ANO1: variants seen among roughly 807,000 people sequenced by gnomAD.
ANO1 encodes the protein anoctamin 1.
A neutral mutation model predicts 124.0 loss-of-function variants in ANO1; 59 were observed. That is an observed-to-expected ratio of 0.48 (90% CI 0.39 to 0.59). The LOEUF is 0.59. Ranked by LOEUF, ANO1 falls within the 20% of genes least tolerant of loss-of-function variation. The pLI, the probability that ANO1 is intolerant of heterozygous loss-of-function variation, is 0.00. For synonymous variants in ANO1, 529 were observed against 532.0 expected (o/e 0.99, Z 0.08); for missense variants, 1,059 against 1,328.0 (o/e 0.80, Z 3.15).
At chr11:70,024,215 T>C (rs1434930904) in intron 1 of ANO1, among the ~76,000 whole-genome samples, 1 of 152,146 alleles carries the variant, frequency 6.6e-6, no homozygotes, top group Non-Finnish European at 1.5e-5. Flanking sequence ...TCTCTGACGG[T>C]CCTGCCTGAG....
chr11:70,167,181 A>T, intron 20 of ANO1, 61 bp from the exon 21 acceptor site: 1 of 1,588,132 alleles, frequency 6.3e-7, no homozygotes. Flanking sequence ...TAGAGGTGCC[A>T]GACCCAAGCC....
At chr11:69,989,766 G>C (rs1007237872) in intron 1 of ANO1, among the ~76,000 whole-genome samples, 1 of 152,114 alleles carries the variant, frequency 6.6e-6, no homozygotes, top group African/African-American at 2.4e-5. Flanking sequence ...GCACGAGGCA[G>C]GTAGGGGAGG....
chr11:70,104,240 C>A (rs2045398628), intron 4 of ANO1, 90 bp downstream of exon 4: 5 of 1,396,356 alleles, frequency 3.6e-6, no homozygotes, highest in Admixed American at 2.6e-5. Context: ...GATTATCTGT[C>A]CCCCAAAGAA....
At chr11:70,011,525 C>A (rs1290144184) in intron 1 of ANO1, among the ~76,000 whole-genome samples, 1 of 152,158 alleles carries the variant, frequency 6.6e-6, no homozygotes, top group Non-Finnish European at 1.5e-5. Flanking sequence ...TATCCTTCAT[C>A]CATTTTCAAT....
chr11:70,092,598 C>T (rs1359632243), intron 2 of ANO1, among the ~76,000 whole-genome samples: 1 of 152,170 alleles, frequency 6.6e-6, no homozygotes, highest in Non-Finnish European at 1.5e-5. Context: ...CTGGGGGACC[C>T]AGCACCTGGG....
At chr11:70,163,949 AAAG>A (rs2048154213) in intron 19 of ANO1, among the ~76,000 whole-genome samples, 1 of 152,092 alleles carries the variant, frequency 6.6e-6, no homozygotes, top group South Asian at 2.1e-4. Flanking sequence ...AAAAAAAAAA[AAAG>A]AAGATGAATT....
chr11:70,149,834 C>T (rs2047528905), intron 12 of ANO1, 42 bp downstream of exon 12: 10 of 1,597,470 alleles, frequency 6.3e-6, no homozygotes, highest in East Asian at 4.5e-5. Context: ...CCTTCCCCCA[C>T]GTTCCCCCTA....
chr11:69,985,535 G>A (rs1180399048), upstream of ANO1, among the ~76,000 whole-genome samples: 1 of 152,164 alleles, frequency 6.6e-6, no homozygotes, highest in Non-Finnish European at 1.5e-5. Context: ...GGCCACTCAC[G>A]GAACCGCCCC....
At chr11:69,973,758 G>C in the ANO1 span, among the ~76,000 whole-genome samples, 1 of 151,840 alleles carries the variant, frequency 6.6e-6, no homozygotes, top group East Asian at 2.0e-4. Context: ...TGTAATCCCA[G>C]CTACTCGGGA....
At position 70,189,113 on chromosome 11, in the gene ANO1, G is replaced by C. The variant is rs915738482; in HGVS notation, c.*1109G>C. On this transcript the variant is annotated 3_prime_UTR_variant, in exon 26 of 26. Transcript: ENST00000355303. ...TTATTTTAAAAGTGTATAAAACCAA[G>C]TCTCATAAATGATATGAGTGATCTA... 1 of 152,548 alleles carries C rather than the reference G, an allele frequency of 6.6e-6. No individual in the cohort carries two copies. Among genetic ancestry groups the C allele is most frequent in the Admixed American group, 6.5e-5 (1 of 15,268 alleles). The allele number at this position is 152,548 out of a possible 1,614,324, so 9.4% of individuals were successfully genotyped here.
At chr11:70,100,434 G>A (rs981604024) in intron 2 of ANO1, among the ~76,000 whole-genome samples, 1 of 152,224 alleles carries the variant, frequency 6.6e-6, no homozygotes, top group African/African-American at 2.4e-5. Context: ...AGGAGGCCAT[G>A]CCATCAAGGA....
chr11:70,059,587 C>T lies in ANO1; in HGVS notation c.59-18955C>T, dbSNP rs1483743078. Among the ~76,000 whole-genome samples, 6 of 152,056 alleles carry T rather than the reference C, an allele frequency of 3.9e-5. No homozygotes were observed. The South Asian group carries it at 1.2e-3, about 32-fold the overall frequency. ...TGCCAATCTTGTGTTGGAGTAAATC[C>T]ACAAGCCTGATGCGTAGGAAAAGGA... On this transcript the variant is annotated intron_variant, in intron 1 of 27. Coordinates refer to the ANO1 transcript ENST00000531349.
At chr11:69,972,378 G>C in the ANO1 span, among the ~76,000 whole-genome samples, 2 of 152,134 alleles carry the variant, frequency 1.3e-5, no homozygotes, top group East Asian at 3.9e-4. Context: ...AGTCCTGAAA[G>C]TCAGGAGTGC....
At chr11:70,060,469 G>A (rs540085361) in intron 1 of ANO1, among the ~76,000 whole-genome samples, 7 of 152,346 alleles carry the variant, frequency 4.6e-5, no homozygotes, top group African/African-American at 1.4e-4. Context: ...AAACACAGTC[G>A]TGTGGTTCAG....
chr11:70,177,578 C>CTTCTCTTTTTT (rs1565281816), intron 22 of ANO1, among the ~76,000 whole-genome samples: 1 of 131,754 alleles, frequency 7.6e-6, no homozygotes, highest in African/African-American at 2.8e-5. Flanking sequence ...CTCGATTTTT[C>CTTCTCTTTTTT]TTTTCTTTTT....
intron 2 of ANO1, among the ~76,000 whole-genome samples, chr11:70,094,072 C>T (rs1286043768): frequency 1.3e-5 from 2 of 152,228 alleles, no homozygotes. Context: ...CTCGAGCCCA[C>T]AGAGGGACAG....
chr11:70,038,273 C>T (rs1362866456), intron 1 of ANO1, among the ~76,000 whole-genome samples: 1 of 152,168 alleles, frequency 6.6e-6, no homozygotes, highest in Non-Finnish European at 1.5e-5. Flanking sequence ...GACTAGCTTC[C>T]TCTTTTCTTT....
chr11:70,168,160 C>G (rs1270726182), intron 21 of ANO1, among the ~76,000 whole-genome samples: 1 of 152,170 alleles, frequency 6.6e-6, no homozygotes, highest in Non-Finnish European at 1.5e-5. Flanking sequence ...CTCTCCCTGA[C>G]CTGGTCACTT....
chr11:69,984,217 GC>G (rs1554996588), upstream of ANO1, among the ~76,000 whole-genome samples: 1 of 152,172 alleles, frequency 6.6e-6, no homozygotes, highest in Non-Finnish European at 1.5e-5. Context: ...AATGAATGTA[GC>G]CCCTGCAAGG....
Sources: gnomAD v4.1 joint callset for allele counts (sites outside exome capture counted in the v4.1 genomes callset) on GRCh38, gnomAD v4.1.1 for gene constraint, MANE v1.5 for transcripts, NCBI Gene and HGNC (gene_info 2026-07-23, HGNC 2026-07-21) for gene names.